HHAT: variants seen among roughly 807,000 people sequenced by gnomAD.
HHAT encodes the protein protein-cysteine N-palmitoyltransferase HHAT.
In HHAT, 47 loss-of-function variants were observed where a neutral mutation model predicts 70.8. The ratio of observed to expected loss-of-function variants is 0.66; its 90% CI spans 0.53 to 0.85. The LOEUF (loss-of-function observed/expected upper bound fraction) is 0.85. HHAT is among the 40% of genes least tolerant of loss of function. The probability of loss-of-function intolerance (pLI) is 0.00; values close to 1 mark genes in which losing one functional copy is unlikely to be tolerated. For missense variants in HHAT, 609 were observed against 604.8 expected (o/e 1.01, Z -0.07); for synonymous variants, 228 against 247.6 (o/e 0.92, Z 0.74).
intron 7 of HHAT, among the ~76,000 whole-genome samples, chr1:210,418,645 G>A (rs1176363143): frequency 6.6e-6 from 1 of 152,130 alleles, no homozygotes; most frequent in East Asian, 1.9e-4. Flanking sequence ...TAGAAGGCAG[G>A]AGTTGCTGGG....
chr1:210,490,354 C>G (rs2094532913), intron 8 of HHAT, among the ~76,000 whole-genome samples: 1 of 152,242 alleles, frequency 6.6e-6, no homozygotes, highest in Non-Finnish European at 1.5e-5. Context: ...AGCATATCTT[C>G]TCTACCAGAA....
chr1:210,490,245 G>A (rs1376884779), intron 8 of HHAT, among the ~76,000 whole-genome samples: 1 of 152,134 alleles, frequency 6.6e-6, no homozygotes, highest in Non-Finnish European at 1.5e-5. Flanking sequence ...TAGAAGAGGG[G>A]AGAGAAAGAG....
chr1:210,383,296 T>C (rs2090792293), intron 3 of HHAT, among the ~76,000 whole-genome samples: 4 of 152,182 alleles, frequency 2.6e-5, no homozygotes, highest in Admixed American at 2.6e-4. Flanking sequence ...GCCGAGGTTG[T>C]GCTATTGCAC....
chr1:210,558,438 C>T (rs890810509), intron 9 of HHAT, among the ~76,000 whole-genome samples: 4 of 152,292 alleles, frequency 2.6e-5, no homozygotes, highest in Middle Eastern at 3.4e-3. Flanking sequence ...GCAGTTGTCC[C>T]TAAGAGCAGA....
intron 8 of HHAT, among the ~76,000 whole-genome samples, chr1:210,480,996 C>CA: frequency 6.6e-6 from 1 of 152,142 alleles, no homozygotes; most frequent in East Asian, 1.9e-4. Flanking sequence ...ACAAAACAGG[C>CA]AAAAGCACAT....
intron 3 of HHAT, among the ~76,000 whole-genome samples, chr1:210,382,999 T>C (rs1188394850): frequency 6.6e-6 from 1 of 152,152 alleles, no homozygotes; most frequent in Non-Finnish European, 1.5e-5. Flanking sequence ...AGTTAACTCA[T>C]TTGTAACACG....
At chr1:210,346,724 C>T (rs1479503052) in intron 1 of HHAT, among the ~76,000 whole-genome samples, 1 of 152,192 alleles carries the variant, frequency 6.6e-6, no homozygotes, top group Non-Finnish European at 1.5e-5. Flanking sequence ...CCTTCCTGCT[C>T]TGTCTCCCAG....
intron 3 of HHAT, among the ~76,000 whole-genome samples, chr1:210,371,394 C>G (rs906634486): frequency 1.3e-5 from 2 of 152,160 alleles, no homozygotes; most frequent in Non-Finnish European, 2.9e-5. Context: ...AAGTGATCCA[C>G]CTGCCTTGGC....
chr1:210,441,833 CAT>C (rs1197645548), intron 7 of HHAT, among the ~76,000 whole-genome samples: 15 of 150,990 alleles, frequency 9.9e-5, no homozygotes, highest in Admixed American at 5.9e-4. Flanking sequence ...TGTACACACA[CAT>C]ATATACACAC....
At chr1:210,646,998 A>G (rs184558369) in intron 11 of HHAT, among the ~76,000 whole-genome samples, 2 of 152,226 alleles carry the variant, frequency 1.3e-5, no homozygotes, top group South Asian at 2.1e-4. Flanking sequence ...ATTTCTTCCC[A>G]CTGTATTAGC....
At chr1:210,608,664 C>T (rs1023987746) in intron 10 of HHAT, among the ~76,000 whole-genome samples, 1 of 152,120 alleles carries the variant, frequency 6.6e-6, no homozygotes, top group African/African-American at 2.4e-5. Flanking sequence ...TTAACATTGT[C>T]TTAGTCCATT....
chr1:210,640,189 C>T (rs913752595), intron 11 of HHAT, among the ~76,000 whole-genome samples: 2 of 152,100 alleles, frequency 1.3e-5, no homozygotes, highest in Non-Finnish European at 2.9e-5. Context: ...TTGAGAGTTT[C>T]GAAGGTGGCA....
intron 9 of HHAT, among the ~76,000 whole-genome samples, chr1:210,586,954 C>G (rs1364128294): frequency 1.3e-5 from 2 of 152,294 alleles, no homozygotes; most frequent in South Asian, 4.1e-4. Flanking sequence ...CTTTGGCTGC[C>G]CTGTGAGCAC....
At position 210,340,242 on chromosome 1, in the gene HHAT, G is replaced by GAAAAAA. The variant is rs57007952; in HGVS notation, c.-43-8670_-43-8665dup. On this transcript the variant is annotated intron_variant, in intron 1 of 11. Coordinates refer to ENST00000261458, the MANE Select transcript of HHAT (RefSeq NM_018194.6). ...GGGGATAGAGCAAGACTCTGTCTCAGAAAAAAAAAAAAAAAAAAAAAAAAA... is the reference window on the plus strand; with the variant it reads ...GGGGATAGAGCAAGACTCTGTCTCAGAAAAAAAAAAAAAAAAAAAAAAAAAAAAAAA... 2.1e-4 allele frequency among the ~76,000 whole-genome samples: 21 copies of GAAAAAA among 99,778 alleles called. 3 individuals are homozygous for GAAAAAA. The East Asian group carries it at 4.2e-3, about 20-fold the overall frequency. The allele number at this position is 99,778 out of a possible 152,430, so 65.5% of individuals were successfully genotyped here. A position where few individuals can be genotyped will look rare whatever the true frequency, so the allele number is the denominator to read the frequency against.
At chr1:210,544,366 C>CGTTTTTTTTTTTTTTTTTTTTTTTTT (rs2095461495) in intron 9 of HHAT, among the ~76,000 whole-genome samples, 2 of 105,330 alleles carry the variant, frequency 1.9e-5, no homozygotes, top group Non-Finnish European at 3.9e-5. Context: ...TTCTTTCTTT[C>CGTTTTTTTTTTTTTTTTTTTTTTTTT]GTTTTTTTTT....
intron 3 of HHAT, chr1:210,374,272 C>A (rs60935759): frequency 6.6e-6 from 1 of 151,808 alleles, no homozygotes; most frequent in Non-Finnish European, 1.5e-5. Context: ...CAGTGTAATG[C>A]TACAAATTAG....
At chr1:210,627,358 G>A (rs749082330) in intron 11 of HHAT, among the ~76,000 whole-genome samples, 5 of 152,104 alleles carry the variant, frequency 3.3e-5, no homozygotes, top group African/African-American at 4.8e-5. Flanking sequence ...CTCATGATTC[G>A]CCTGGAAAAG....
chr1:210,558,124 C>T (rs186945698), intron 9 of HHAT, among the ~76,000 whole-genome samples: 9 of 152,256 alleles, frequency 5.9e-5, no homozygotes, highest in African/African-American at 1.9e-4. Flanking sequence ...TCCTTGGTGG[C>T]AGAGAGTTTT....
chr1:210,430,733 A>G (rs908730613), intron 7 of HHAT, among the ~76,000 whole-genome samples: 1 of 151,892 alleles, frequency 6.6e-6, no homozygotes, highest in Non-Finnish European at 1.5e-5. Flanking sequence ...GCCATTTGAA[A>G]TAATGCTTTT....
Sources: allele counts gnomAD v4.1 joint callset (sites outside exome capture counted in the v4.1 genomes callset), GRCh38; gene constraint gnomAD v4.1.1; transcripts MANE v1.5; gene names NCBI Gene and HGNC (gene_info 2026-07-23, HGNC 2026-07-21).